CNOT2: variants seen among roughly 807,000 people sequenced by gnomAD.
The protein encoded by CNOT2 is CC chemokine receptor 4-negative regulator of transcription 2.
In CNOT2, 7 loss-of-function variants were observed where a neutral mutation model predicts 72.1. The ratio of observed to expected loss-of-function variants is 0.10; its 90% CI spans 0.06 to 0.18. The LOEUF (loss-of-function observed/expected upper bound fraction) is 0.18, where lower values mean the gene tolerates loss of function less well. CNOT2 is among the 10% of genes least tolerant of loss of function. The pLI, the probability that CNOT2 is intolerant of heterozygous loss-of-function variation, is 1.00. For missense variants in CNOT2, 345 were observed against 660.3 expected, an observed-to-expected ratio of 0.52 and a Z score of 5.23; for synonymous variants, 196 against 225.6, an observed-to-expected ratio of 0.87 and a Z score of 1.17.
At chr12:70,265,865 A>G (rs1046461427) in intron 1 of CNOT2, among the ~76,000 whole-genome samples, 3 of 151,858 alleles carry the variant, frequency 2.0e-5, no homozygotes, top group Non-Finnish European at 4.4e-5. Flanking sequence ...CCTTTATAAT[A>G]CCTCTATGAC....
At chr12:70,340,362 A>G (rs998141579) in intron 11 of CNOT2, among the ~76,000 whole-genome samples, 1 of 152,072 alleles carries the variant, frequency 6.6e-6, no homozygotes, top group African/African-American at 2.4e-5. Flanking sequence ...TCTTGACCTC[A>G]GTGTCATTCC....
chr12:70,251,936 C>T (rs1395252857), intron 1 of CNOT2, among the ~76,000 whole-genome samples: 1 of 151,996 alleles, frequency 6.6e-6, no homozygotes, highest in Non-Finnish European at 1.5e-5. Flanking sequence ...TGAAATAATA[C>T]CAAGAAAATC....
chr12:70,299,743 A>G (rs537061514), intron 2 of CNOT2, among the ~76,000 whole-genome samples: 1 of 152,274 alleles, frequency 6.6e-6, no homozygotes, highest in South Asian at 2.1e-4. Flanking sequence ...ATACCCAGTA[A>G]TGGGATGGCT....
At chr12:70,289,951 C>T (rs1333799968) in intron 2 of CNOT2, among the ~76,000 whole-genome samples, 1 of 151,792 alleles carries the variant, frequency 6.6e-6, no homozygotes, top group African/African-American at 2.4e-5. Flanking sequence ...GTTTGTATTT[C>T]TGTTAATATT....
At chr12:70,293,792 G>A (rs2135878541) in intron 2 of CNOT2, among the ~76,000 whole-genome samples, 1 of 152,100 alleles carries the variant, frequency 6.6e-6, no homozygotes, top group South Asian at 2.1e-4. Flanking sequence ...GAGCAAGAGA[G>A]TGTACAAGGA....
intron 4 of CNOT2, among the ~76,000 whole-genome samples, chr12:70,324,458 T>C (rs890503504): frequency 2.0e-5 from 3 of 151,732 alleles, no homozygotes; most frequent in East Asian, 1.9e-4. Flanking sequence ...ATTTTGTAGA[T>C]AGAGCTAACA....
At chr12:70,299,904 A>G (rs1230605420) in intron 2 of CNOT2, among the ~76,000 whole-genome samples, 3 of 152,260 alleles carry the variant, frequency 2.0e-5, no homozygotes, top group Non-Finnish European at 4.4e-5. Flanking sequence ...TGACTTTTTA[A>G]TGATTGCCAT....
chr12:70,341,622 G>T (rs146820433), intron 11 of CNOT2, among the ~76,000 whole-genome samples: 2,607 of 152,252 alleles, frequency 0.017, 38 homozygotes, highest in Middle Eastern at 0.068. Context: ...TTTGCTCACT[G>T]ATGTGTCGTA....
chr12:70,292,077 A>T (rs747615520), intron 2 of CNOT2, among the ~76,000 whole-genome samples: 59 of 152,332 alleles, frequency 3.9e-4, no homozygotes, highest in Non-Finnish European at 7.6e-4. Context: ...TTTCTTATTT[A>T]AAAAGAGAAA....
chr12:70,335,406 A>C (rs752450857), intron 7 of CNOT2, 32 bp from the exon 8 acceptor site: 4 of 1,500,120 alleles, frequency 2.7e-6, no homozygotes, highest in South Asian at 2.3e-5. Flanking sequence ...TATTTGTAGA[A>C]TCAATAACCA....
chr12:70,353,229 C>T (rs1273555864), intron 15 of CNOT2, among the ~76,000 whole-genome samples: 3 of 151,788 alleles, frequency 2.0e-5, no homozygotes, highest in South Asian at 4.2e-4. Context: ...TGCACCACTA[C>T]GCCCAGCTAA....
At chr12:70,257,057 G>A (rs1262384454) in intron 1 of CNOT2, among the ~76,000 whole-genome samples, 1 of 151,914 alleles carries the variant, frequency 6.6e-6, no homozygotes, top group Non-Finnish European at 1.5e-5. Context: ...TTTATAAATA[G>A]CACTGTGATG....
At chr12:70,320,873 TC>T (rs1340140084) in intron 4 of CNOT2, among the ~76,000 whole-genome samples, 9 of 151,920 alleles carry the variant, frequency 5.9e-5, no homozygotes, top group South Asian at 2.1e-4. Context: ...TTTTTAAAAT[TC>T]TGGTCTAATT....
rs1475181815 is a variant in CNOT2 at position 70,302,207 on chromosome 12, C to CT, written c.49-8687dup. On this transcript the variant is annotated intron_variant, in intron 2 of 15. Coordinates refer to ENST00000229195, the MANE Select transcript of CNOT2 (RefSeq NM_014515.7). ...TTTTTTTGAAGGGTTTTTTGTGTCTCTATTTCCTTCAGTTCTGCTCTGATT... is the reference window on the plus strand; with the variant it reads ...TTTTTTTGAAGGGTTTTTTGTGTCTCTTATTTCCTTCAGTTCTGCTCTGATT... 2.6e-5 allele frequency among the ~76,000 whole-genome samples: 4 copies of CT among 151,792 alleles called. No individual in the cohort carries two copies. The East Asian group carries it at 5.8e-4, about 22-fold the overall frequency.
chr12:70,277,799 A>G (rs1313184614), intron 1 of CNOT2, among the ~76,000 whole-genome samples: 1 of 152,156 alleles, frequency 6.6e-6, no homozygotes, highest in African/African-American at 2.4e-5. Flanking sequence ...AGATTCATGT[A>G]AAAGAAAAAA....
At chr12:70,313,549 AC>A (rs778723632) in intron 3 of CNOT2, among the ~76,000 whole-genome samples, 5 of 151,968 alleles carry the variant, frequency 3.3e-5, no homozygotes, top group African/African-American at 9.7e-5. Flanking sequence ...GGTTCCAAAT[AC>A]TTTTTTTTTC....
intron 1 of CNOT2, among the ~76,000 whole-genome samples, chr12:70,246,636 A>C (rs1432469569): frequency 6.6e-6 from 1 of 152,174 alleles, no homozygotes; most frequent in Non-Finnish European, 1.5e-5. Flanking sequence ...CTTATATCAG[A>C]TATTTTGAAA....
intron 2 of CNOT2, among the ~76,000 whole-genome samples, chr12:70,291,983 A>G (rs896708050): frequency 2.0e-5 from 3 of 152,152 alleles, no homozygotes; most frequent in South Asian, 2.1e-4. Flanking sequence ...ACTGCGAGCA[A>G]TATTCACGGA....
chr12:70,332,585 T>C, intron 6 of CNOT2, 182 bp from the exon 7 acceptor site: 1 of 928,406 alleles, frequency 1.1e-6, no homozygotes, highest in Non-Finnish European at 1.4e-6. Context: ...CATTTGTTCA[T>C]GGAAGGACTT....
Sources: allele counts gnomAD v4.1 joint callset (sites outside exome capture counted in the v4.1 genomes callset), GRCh38; gene constraint gnomAD v4.1.1; transcripts MANE v1.5; gene names NCBI Gene and HGNC (gene_info 2026-07-23, HGNC 2026-07-21).